Variants in ITSN2 observed in about 807,000 individuals in gnomAD.
ITSN2 encodes the protein intersectin 2, also known as intersectin-2.
ITSN2 carries 156 observed loss-of-function variants against 243.7 expected under a neutral mutation model. That is an observed-to-expected ratio of 0.64 (90% CI 0.56 to 0.73). The LOEUF (loss-of-function observed/expected upper bound fraction) is 0.73. Among genes scored for constraint, ITSN2 ranks in the 30% least tolerant of loss-of-function variants. ITSN2 has a pLI of 0.00. For missense variants in ITSN2, 1,801 were observed against 1,996.1 expected (o/e 0.90, Z 1.86); for synonymous variants, 703 against 699.9 (o/e 1.00, Z -0.07).
chr2:24,295,721 C>T lies in ITSN2; in HGVS notation c.1578G>A (p.Leu526=), dbSNP rs200259334. 2.6e-5 allele frequency: 41 copies of T among 1,563,334 alleles called. No individual in the cohort carries two copies. Among genetic ancestry groups the T allele is most frequent in the Non-Finnish European group, 3.4e-5 (40 of 1,162,172 alleles). Residue 526 remains leucine (L), a synonymous_variant, in exon 14 of 40, where the codon CTG becomes CTA. Coordinates refer to ENST00000355123, the MANE Select transcript of ITSN2 (RefSeq NM_006277.3). The part of the protein sequence containing the change: ...KQTQKTELEV[L]DKQCDLEIME... Reference sequence around the variant, plus strand: ...TAATTTCCAAGTCACACTGCTTATCCAGAACTTCCAGCTCAGTCTTTTGAG... The same window carrying T: ...TAATTTCCAAGTCACACTGCTTATCTAGAACTTCCAGCTCAGTCTTTTGAG...
At chr2:24,313,690 AAGAC>A (rs1163663116) in intron 3 of ITSN2, among the ~76,000 whole-genome samples, 167 bp from the exon 4 acceptor site, 2 of 152,234 alleles carry the variant, frequency 1.3e-5, no homozygotes, top group Admixed American at 6.5e-5. Flanking sequence ...TAACTTTAAT[AAGAC>A]AGATATTTTA....
At chr2:24,307,174 CTT>C (rs1379948591) in intron 8 of ITSN2, among the ~76,000 whole-genome samples, 5 of 152,108 alleles carry the variant, frequency 3.3e-5, no homozygotes, top group Non-Finnish European at 7.4e-5. Flanking sequence ...GGAATTATGA[CTT>C]TATATTAATC....
At chr2:24,302,701 AC>A (rs1236522820) in intron 9 of ITSN2, among the ~76,000 whole-genome samples, 9 of 152,232 alleles carry the variant, frequency 5.9e-5, no homozygotes, top group African/African-American at 2.2e-4. Context: ...AAGAGAAGTA[AC>A]TACCCCTTCT....
intron 17 of ITSN2, among the ~76,000 whole-genome samples, chr2:24,282,758 A>G (rs1285528012): frequency 6.6e-6 from 1 of 152,194 alleles, no homozygotes; most frequent in Admixed American, 6.5e-5. Context: ...CAAGGGGGAC[A>G]AGGGAACCTT....
In ITSN2 at chr2:24,261,665, A is replaced by G. The variant is rs756242536; in HGVS notation, c.2433T>C (p.Asn811=). The G allele has an allele frequency of 6.2e-7, 1 of 1,613,542 alleles. No homozygotes were observed. The highest frequency in any genetic ancestry group is 1.1e-5 in the South Asian group (1 of 91,056). The change falls in exon 21 of 40, where the codon AAT becomes AAC. Residue 811 remains asparagine (N), a synonymous_variant. Coordinates refer to ENST00000355123, the MANE Select transcript of ITSN2 (RefSeq NM_006277.3). ...CACTTGATGGCATTTTTTCTACATA[A>G]TTGCATGGAAACCAGCCAAAATTTC... ...FQGNFGWFPC[N]YVEKMPSSEN...
intron 1 of ITSN2, among the ~76,000 whole-genome samples, chr2:24,342,793 G>T (rs947630079): frequency 1.3e-5 from 2 of 151,816 alleles, no homozygotes. Flanking sequence ...TTACTCACAT[G>T]AAATAGTGAA....
intron 28 of ITSN2, 99 bp downstream of exon 28, chr2:24,246,698 C>A: frequency 2.6e-6 from 2 of 758,678 alleles, no homozygotes; most frequent in Admixed American, 2.6e-5. Flanking sequence ...AAGGAAAGAA[C>A]ACATTTTTAA....
chr2:24,248,847 A>C lies in ITSN2; in HGVS notation c.3156T>G (p.Asn1052Lys). 1 of 1,613,824 alleles carries C rather than the reference A, an allele frequency of 6.2e-7. No individual in the cohort carries two copies. Among genetic ancestry groups the C allele is most frequent in the Non-Finnish European group, 8.5e-7 (1 of 1,179,790 alleles). Residue 1052 changes from asparagine to lysine, a missense_variant, in exon 26 of 40, where the codon AAT (asparagine) becomes AAG (lysine). Asn to Lys is a moderately conservative substitution (Grantham distance 94). Around this residue, in one of 5 missense-constraint regions of ITSN2, gnomAD observed 928 missense variants for 1,065.4 expected, o/e 0.87. Transcript: ENST00000355123. ...CACTACTATACGTACCAGGTTTTTTATTTGATGCTCCAGACTTGCTAGCAC... is the reference window on the plus strand; with the variant it reads ...CACTACTATACGTACCAGGTTTTTTCTTTGATGCTCCAGACTTGCTAGCAC... ...FGSASKSGAS[N>K]KKPEIAQVTS... is the part of the protein sequence containing the mutation.
chr2:24,282,592 CTG>C (rs1344410659), intron 17 of ITSN2, among the ~76,000 whole-genome samples: 1 of 152,166 alleles, frequency 6.6e-6, no homozygotes, highest in Non-Finnish European at 1.5e-5. Context: ...AAAGAGCACT[CTG>C]TAACACACCC....
chr2:24,210,770 C>CT lies in ITSN2; in HGVS notation c.4257+9_4257+10insA, dbSNP rs1227182624. 1 of 1,612,346 alleles carries CT rather than the reference C, an allele frequency of 6.2e-7. No homozygotes were observed. Among genetic ancestry groups the CT allele is most frequent in the Non-Finnish European group, 8.5e-7 (1 of 1,179,176 alleles). On this transcript the variant is annotated intron_variant, in intron 34 of 39. Coordinates refer to ENST00000355123, the MANE Select transcript of ITSN2 (RefSeq NM_006277.3). ...CCTGGAGGCGCACGGCTTAACCACA[C>CT]AGGCCTGACCTCCGCGAGGCCTTCA...
intron 1 of ITSN2, among the ~76,000 whole-genome samples, chr2:24,339,828 A>G (rs559194799): frequency 3.9e-5 from 6 of 152,152 alleles, no homozygotes; most frequent in African/African-American, 1.4e-4. Context: ...GGAGCTCAAG[A>G]CTAGCCTGGG....
At chr2:24,337,315 A>AATATATATATATATACATATATAT (rs70944741) in intron 1 of ITSN2, among the ~76,000 whole-genome samples, 628 of 31,944 alleles carry the variant, frequency 0.02, 171 homozygotes, top group Non-Finnish European at 0.026. Flanking sequence ...GTATACACAA[A>AATATATATATATATACATATATAT]ATATATATAT....
At position 24,205,278 on chromosome 2, in the gene ITSN2, T is replaced by TGAA. The variant is rs769589556; in HGVS notation, c.4695_4697dup (p.Ser1566dup). On this transcript the variant is annotated inframe_insertion, in exon 38 of 40. Coordinates refer to ENST00000355123, the MANE Select transcript of ITSN2 (RefSeq NM_006277.3). ...CATGCACCATCAGGCGCCCAATGCC[T>TGAA]GAAGTCTTTTGGGAGCGGGCTACAA... The TGAA allele has an allele frequency of 6.2e-7, 1 of 1,613,880 alleles. No homozygotes were observed. The highest frequency in any genetic ancestry group is 2.2e-5 in the East Asian group (1 of 44,874).
chr2:24,262,645 C>G (rs1448244144), intron 20 of ITSN2, among the ~76,000 whole-genome samples: 1 of 152,128 alleles, frequency 6.6e-6, no homozygotes, highest in Non-Finnish European at 1.5e-5. Flanking sequence ...CTGAATAAGC[C>G]CACTTACTCC....
Position 24,221,041 on chromosome 2 carries a change from G to C in ITSN2, c.3603C>G (p.Asp1201Glu). Residue 1201 changes from aspartate (D) to glutamate (E), a missense_variant, in exon 30 of 40, where the codon GAC becomes GAG. Transcript: ENST00000355123. ...QQWCADLQTLDTMQPIERKRQ... is the reference protein window; with the variant it reads ...QQWCADLQTLETMQPIERKRQ... ...TTTTCCTCTCAATTGGCTGCATTGT[G>C]TCCAGGGTTTGCAGATCAGCACACC... is the stretch of plus-strand genomic sequence containing the variant. 6.2e-7 allele frequency: 1 copy of C among 1,608,062 alleles called. No individual in the cohort carries two copies. Among genetic ancestry groups the C allele is most frequent in the Non-Finnish European group, 8.5e-7 (1 of 1,178,016 alleles).
At chr2:24,297,683 C>G (rs553244434) in intron 13 of ITSN2, among the ~76,000 whole-genome samples, 2 of 152,334 alleles carry the variant, frequency 1.3e-5, no homozygotes, top group South Asian at 4.1e-4. Flanking sequence ...TTCCCCTCTC[C>G]TGCCTCTGCT....
chr2:24,334,999 C>T (rs1686198775), intron 1 of ITSN2: 1 of 261,818 alleles, frequency 3.8e-6, no homozygotes, highest in Non-Finnish European at 7.2e-6. Flanking sequence ...GGAGGCGGAG[C>T]TTGCAGTGAG....
chr2:24,327,504 G>A (rs548126209), intron 2 of ITSN2, among the ~76,000 whole-genome samples: 2 of 152,004 alleles, frequency 1.3e-5, no homozygotes, highest in African/African-American at 4.8e-5. Context: ...TCACCATGTT[G>A]ACCAGGCTGG....
At position 24,328,094 on chromosome 2, in the gene ITSN2, T is replaced by C; in HGVS notation, c.-12A>G. 6.2e-7 allele frequency: 1 copy of C among 1,613,864 alleles called. No individual in the cohort carries two copies. ...AACTGAGCCATCATGGTCCTGAGTT[T>C]TCCTTGCTAGCTCTCAGCCATCTGC... On this transcript the variant is annotated 5_prime_UTR_variant, in exon 2 of 40. Transcript: ENST00000355123.
Sources: gnomAD v4.1 joint callset for allele counts (sites outside exome capture counted in the v4.1 genomes callset) on GRCh38, gnomAD v4.1.1 for gene constraint, gnomAD v4.1.1 regional missense constraint, MANE v1.5 for transcripts, NCBI Gene and HGNC (gene_info 2026-07-23, HGNC 2026-07-21) for gene names.